CSMD1: variants seen among roughly 807,000 people sequenced by gnomAD.
CSMD1 encodes CUB and Sushi multiple domains 1.
CSMD1 carries 213 observed loss-of-function variants against 417.5 expected under a neutral mutation model. The ratio of observed to expected loss-of-function variants is 0.51; its 90% CI spans 0.46 to 0.57. The LOEUF (loss-of-function observed/expected upper bound fraction) is 0.57, where lower values mean the gene tolerates loss of function less well. Among genes scored for constraint, CSMD1 ranks in the 20% least tolerant of loss-of-function variants. The pLI, the probability that CSMD1 is intolerant of heterozygous loss-of-function variation, is 0.00. For synonymous variants in CSMD1, 2,862 were observed against 1,736.8 expected, an observed-to-expected ratio of 1.65 and a Z score of -16.11; for missense variants, 6,923 against 4,529.7, an observed-to-expected ratio of 1.53 and a Z score of -15.17.
At chr8:3,194,408 CTATTTTATTT>C (rs201987474) in intron 33 of CSMD1, among the ~76,000 whole-genome samples, 32,939 of 134,676 alleles carry the variant, frequency 0.24, 4,191 homozygotes, top group Non-Finnish European at 0.31. Context: ...ATCTGATTAA[CTATTTTATTT>C]TATTTTATTT....
At chr8:4,557,382 A>G (rs142357186) in intron 2 of CSMD1, among the ~76,000 whole-genome samples, 1 of 152,284 alleles carries the variant, frequency 6.6e-6, no homozygotes, top group East Asian at 1.9e-4. Flanking sequence ...ATTTGATAGC[A>G]TTATCTAAGA....
chr8:4,546,457 G>A (rs1797638886), intron 2 of CSMD1, among the ~76,000 whole-genome samples: 1 of 152,136 alleles, frequency 6.6e-6, no homozygotes, highest in South Asian at 2.1e-4. Context: ...ACCATTCCAC[G>A]GGCACCGACC....
At chr8:4,021,778 A>G (rs1222239797) in intron 4 of CSMD1, among the ~76,000 whole-genome samples, 1 of 152,148 alleles carries the variant, frequency 6.6e-6, no homozygotes, top group African/African-American at 2.4e-5. Flanking sequence ...TGAGTGACAA[A>G]TGAAGAAGCC....
intron 3 of CSMD1, among the ~76,000 whole-genome samples, chr8:4,032,664 T>A (rs79905228): frequency 6.6e-6 from 1 of 152,174 alleles, no homozygotes; most frequent in South Asian, 2.1e-4. Context: ...TATAAAAAAA[T>A]GTTCCACTAC....
chr8:4,975,291 T>G (rs1024142853), intron 1 of CSMD1, among the ~76,000 whole-genome samples: 1 of 152,246 alleles, frequency 6.6e-6, no homozygotes, highest in Non-Finnish European at 1.5e-5. Context: ...ATCTGCTGTA[T>G]ATCATTTGAA....
chr8:4,313,745 G>C (rs796270685), intron 3 of CSMD1, among the ~76,000 whole-genome samples: 31 of 152,236 alleles, frequency 2.0e-4, no homozygotes, highest in African/African-American at 6.7e-4. Context: ...GCCGGGCACA[G>C]TGGCTCACAC....
chr8:4,477,285 G>A (rs1164475107), intron 2 of CSMD1, among the ~76,000 whole-genome samples: 1 of 152,160 alleles, frequency 6.6e-6, no homozygotes, highest in Non-Finnish European at 1.5e-5. Context: ...GACGGTGGAG[G>A]CTGAGCTGGT....
At chr8:3,820,925 T>A (rs1037955160) in intron 5 of CSMD1, among the ~76,000 whole-genome samples, 23 of 152,028 alleles carry the variant, frequency 1.5e-4, no homozygotes, top group Admixed American at 1.4e-3. Context: ...ATCTTTTTTT[T>A]AATTTTTTGA....
chr8:4,163,902 T>C (rs114218936), intron 3 of CSMD1, among the ~76,000 whole-genome samples: 2,572 of 152,302 alleles, frequency 0.017, 59 homozygotes, highest in African/African-American at 0.059. Context: ...AATCAAGGTT[T>C]GGTTACTCGT....
chr8:4,924,819 G>C (rs1450745564), intron 1 of CSMD1, among the ~76,000 whole-genome samples: 3 of 142,902 alleles, frequency 2.1e-5, no homozygotes, highest in Non-Finnish European at 4.5e-5. Flanking sequence ...GTTTTCATTT[G>C]TCATATTAAG....
intron 5 of CSMD1, among the ~76,000 whole-genome samples, chr8:3,904,953 C>G (rs893855537): frequency 6.6e-6 from 1 of 152,024 alleles, no homozygotes; most frequent in Non-Finnish European, 1.5e-5. Context: ...TACGTATTTT[C>G]CTTATCTGAC....
intron 5 of CSMD1, among the ~76,000 whole-genome samples, chr8:3,783,858 C>A (rs2129064140): frequency 6.6e-6 from 1 of 152,306 alleles, no homozygotes; most frequent in South Asian, 2.1e-4. Flanking sequence ...TGACTGTTTT[C>A]ACCTCAGGAG....
intron 5 of CSMD1, among the ~76,000 whole-genome samples, chr8:3,768,266 G>C (rs1296045401): frequency 6.6e-6 from 1 of 152,274 alleles, no homozygotes. Context: ...CCCGGGCCAA[G>C]TGAATATCAT....
At chr8:2,961,977 T>C (rs1240091133) in intron 61 of CSMD1, among the ~76,000 whole-genome samples, 1 of 152,244 alleles carries the variant, frequency 6.6e-6, no homozygotes, top group Non-Finnish European at 1.5e-5. Context: ...CTATTCAATT[T>C]CTTAGAAAAT....
chr8:3,461,788 T>G (rs1176686498), intron 12 of CSMD1, among the ~76,000 whole-genome samples: 2 of 152,204 alleles, frequency 1.3e-5, no homozygotes, highest in East Asian at 3.9e-4. Flanking sequence ...CCATGGGGAC[T>G]CTCTTACGTG....
At chr8:4,877,063 A>T (rs971801901) in intron 1 of CSMD1, among the ~76,000 whole-genome samples, 1 of 152,124 alleles carries the variant, frequency 6.6e-6, no homozygotes, top group Admixed American at 6.5e-5. Flanking sequence ...ATTAATTTTA[A>T]CAGTTATTTC....
At chr8:3,555,090 C>T (rs77559327) in intron 10 of CSMD1, among the ~76,000 whole-genome samples, 130 of 152,016 alleles carry the variant, frequency 8.6e-4, no homozygotes, top group African/African-American at 3.0e-3. Flanking sequence ...CAAGTGCAGC[C>T]GTAGGACCCG....
At chr8:4,110,858 T>G (rs1368476968) in intron 3 of CSMD1, among the ~76,000 whole-genome samples, 2 of 152,116 alleles carry the variant, frequency 1.3e-5, no homozygotes, top group Admixed American at 6.5e-5. Context: ...GAGACTTTTT[T>G]CCTTGAAGAG....
Position 3,223,890 on chromosome 8 carries a change from G to T in CSMD1, c.4346-23C>A. ...CAGCTGTCACAGAACAAAAGTTACA[G>T]AGAAAAAGTAAGGACAGCGAAGAAC... On this transcript the variant is annotated intron_variant, in intron 27 of 69. Coordinates refer to ENST00000635120, the MANE Select transcript of CSMD1 (RefSeq NM_033225.6). 1.9e-6 allele frequency: 3 copies of T among 1,612,732 alleles called. No individual in the cohort carries two copies. In the South Asian group the frequency reaches 3.3e-5, roughly 18 times the overall value.
Sources: allele counts gnomAD v4.1 joint callset (sites outside exome capture counted in the v4.1 genomes callset), GRCh38; gene constraint gnomAD v4.1.1; transcripts MANE v1.5; gene names NCBI Gene and HGNC (gene_info 2026-07-23, HGNC 2026-07-21).